Variants in SUSD5 observed in about 807,000 individuals in gnomAD.
SUSD5 encodes sushi domain containing 5.
In SUSD5, 33 loss-of-function variants were observed where a neutral mutation model predicts 29.5. That is an observed-to-expected ratio of 1.12 (90% confidence interval 0.85 to 1.49). SUSD5 has a LOEUF of 1.49. Among genes scored for constraint, SUSD5 ranks in the 40% most tolerant of loss-of-function variants. SUSD5 has a pLI of 0.00. For missense variants in SUSD5, 776 were observed against 800.6 expected, an observed-to-expected ratio of 0.97 and a Z score of 0.37; for synonymous variants, 308 against 325.3, an observed-to-expected ratio of 0.95 and a Z score of 0.57.
In SUSD5 at chr3:33,174,905, C is replaced by T. The variant is rs1210730518; in HGVS notation, c.579G>A (p.Leu193=). ...GCTTACCTTTCCCACAGGCCTGCAC[C>T]AGGCCGTACCACTCCCCACAGCTGT... is the stretch of plus-strand genomic sequence containing the variant. ...LCNSCGEWYG[L]VQACGKDEAE... is the part of the protein sequence containing the mutation. Residue 193 remains leucine (L), a synonymous_variant, in exon 4 of 5, where the codon CTG becomes CTA. Coordinates refer to ENST00000309558, the MANE Select transcript of SUSD5 (RefSeq NM_015551.2). The T allele has an allele frequency of 6.2e-7, 1 of 1,613,990 alleles. No individual in the cohort carries two copies.
chr3:33,183,904 TA>T (rs1462245800), intron 3 of SUSD5, among the ~76,000 whole-genome samples: 2 of 150,078 alleles, frequency 1.3e-5, no homozygotes, highest in African/African-American at 4.9e-5. Flanking sequence ...TTTTTCCTCT[TA>T]ACACTTTAAA....
At chr3:33,158,504 G>A (rs1027961149) in intron 4 of SUSD5, among the ~76,000 whole-genome samples, 3 of 152,018 alleles carry the variant, frequency 2.0e-5, no homozygotes, top group East Asian at 1.9e-4. Flanking sequence ...ACTGCTAGTC[G>A]ATTTCAAGCA....
chr3:33,155,487 G>A (rs1368356469), intron 4 of SUSD5, among the ~76,000 whole-genome samples: 1 of 152,168 alleles, frequency 6.6e-6, no homozygotes, highest in Non-Finnish European at 1.5e-5. Flanking sequence ...CAACCACGAT[G>A]GAAAACTGGG....
intron 3 of SUSD5, among the ~76,000 whole-genome samples, chr3:33,196,828 T>C (rs144966927): frequency 5.4e-4 from 82 of 152,286 alleles, no homozygotes; most frequent in African/African-American, 1.9e-3. Flanking sequence ...CAAACGGCAG[T>C]GCCTGTGAAG....
chr3:33,158,922 T>C (rs2031115627), intron 4 of SUSD5, among the ~76,000 whole-genome samples: 1 of 152,224 alleles, frequency 6.6e-6, no homozygotes, highest in South Asian at 2.1e-4. Context: ...TGTTGCCTCA[T>C]TGCAGCCCCA....
At chr3:33,168,799 G>C (rs1045661550) in intron 4 of SUSD5, among the ~76,000 whole-genome samples, 1 of 152,204 alleles carries the variant, frequency 6.6e-6, no homozygotes, top group Non-Finnish European at 1.5e-5. Context: ...ACAGGCATGT[G>C]CCACCACACC....
At position 33,189,892 on chromosome 3, in the gene SUSD5, T is replaced by A. The variant is rs1029722778; in HGVS notation, c.410-14818A>T. Among the ~76,000 whole-genome samples the A allele has an allele frequency of 8.5e-5, 13 of 152,308 alleles. No individual in the cohort carries two copies. The East Asian group carries it at 2.5e-3, about 29-fold the overall frequency. On this transcript the variant is annotated intron_variant, in intron 3 of 4. Transcript: ENST00000309558. ...ATTTAAATATATTCCCATAACCAGT[T>A]ATATAAATCTATATATAAAACCAAT...
chr3:33,202,039 T>A (rs751418790), intron 3 of SUSD5, among the ~76,000 whole-genome samples: 98 of 138,452 alleles, frequency 7.1e-4, no homozygotes, highest in Admixed American at 2.4e-3. Flanking sequence ...TATCTATCTA[T>A]CTATCTATCT....
At chr3:33,165,809 G>T (rs370870581) in intron 4 of SUSD5, among the ~76,000 whole-genome samples, 1 of 152,100 alleles carries the variant, frequency 6.6e-6, no homozygotes, top group South Asian at 2.1e-4. Context: ...TCAACAGTAG[G>T]CATTCATTCA....
intron 3 of SUSD5, among the ~76,000 whole-genome samples, chr3:33,203,794 T>C (rs139962320): frequency 1.3e-3 from 194 of 152,316 alleles, no homozygotes; most frequent in African/African-American, 4.1e-3. Flanking sequence ...CCAATTCCAA[T>C]TGGCTCCCTC....
At chr3:33,157,832 G>C (rs1407026664) in intron 4 of SUSD5, among the ~76,000 whole-genome samples, 1 of 152,252 alleles carries the variant, frequency 6.6e-6, no homozygotes, top group East Asian at 1.9e-4. Flanking sequence ...AGATTAGCCA[G>C]CTGTGGCTGA....
Position 33,209,949 on chromosome 3 carries a change from T to G in SUSD5, c.291-2023A>C, listed in dbSNP as rs112376664. ...CTCTGCCAAAATTCTCCTTCTCATC[T>G]TTTATATCTTTGAACATGTCAAGGA... On this transcript the variant is annotated intron_variant, in intron 2 of 4. Transcript: ENST00000309558. Among the ~76,000 whole-genome samples the G allele has an allele frequency of 6.1e-3, 933 of 152,344 alleles. 6 individuals carry two copies. The highest frequency in any genetic ancestry group is 0.021 in the African/African-American group (873 of 41,568).
At chr3:33,182,109 A>G (rs1461837946) in intron 3 of SUSD5, among the ~76,000 whole-genome samples, 1 of 152,182 alleles carries the variant, frequency 6.6e-6, no homozygotes, top group Non-Finnish European at 1.5e-5. Context: ...TGCTTCTCAC[A>G]ACTTTTGAAA....
chr3:33,168,476 C>G, intron 4 of SUSD5: 1 of 973,390 alleles, frequency 1.0e-6, no homozygotes, highest in South Asian at 4.8e-5. Flanking sequence ...TTTAAGAAAA[C>G]AAAATAATAC....
intron 3 of SUSD5, among the ~76,000 whole-genome samples, chr3:33,200,209 T>C (rs546774734): frequency 3.3e-5 from 5 of 152,292 alleles, no homozygotes; most frequent in East Asian, 3.9e-4. Context: ...TATCTGTGAA[T>C]TGGGAACTGG....
In SUSD5 at chr3:33,164,097, C is replaced by T. The variant is rs569904440; in HGVS notation, c.599-10064G>A. ...GCTGAGACAGGAGAATCACTTGAAC[C>T]CAGGAGGTGGAGGTTGCAGTGAGCC... On this transcript the variant is annotated intron_variant, in intron 4 of 4. Transcript: ENST00000309558. Among the ~76,000 whole-genome samples, 3 of 152,144 alleles carry T rather than the reference C, an allele frequency of 2.0e-5. No homozygotes were observed. The South Asian group carries it at 6.2e-4, about 32-fold the overall frequency.
At chr3:33,163,473 AC>A (rs2031236281) in intron 4 of SUSD5, among the ~76,000 whole-genome samples, 1 of 152,180 alleles carries the variant, frequency 6.6e-6, no homozygotes, top group Admixed American at 6.5e-5. Context: ...AAAGCATCTG[AC>A]AAAGTCAACA....
At chr3:33,176,366 A>G (rs996843160) in intron 3 of SUSD5, among the ~76,000 whole-genome samples, 3 of 152,232 alleles carry the variant, frequency 2.0e-5, no homozygotes, top group Non-Finnish European at 4.4e-5. Context: ...AATACCAAAG[A>G]GCGTGACTGC....
At chr3:33,196,601 C>T (rs908381971) in intron 3 of SUSD5, among the ~76,000 whole-genome samples, 3 of 152,212 alleles carry the variant, frequency 2.0e-5, no homozygotes, top group Non-Finnish European at 4.4e-5. Flanking sequence ...TGTAACTACT[C>T]TACCATTCTC....
Sources: gnomAD v4.1 joint callset for allele counts (sites outside exome capture counted in the v4.1 genomes callset) on GRCh38, gnomAD v4.1.1 for gene constraint, MANE v1.5 for transcripts, NCBI Gene and HGNC (gene_info 2026-07-23, HGNC 2026-07-21) for gene names.